Variants in INCENP observed in about 807,000 individuals in gnomAD.
INCENP encodes binds and activates aurora-B and -C in vivo and in vitro.
Under a neutral mutation model 107.3 loss-of-function variants are expected in INCENP, and 43 were observed. The observed-to-expected ratio is 0.40, with a 90% CI of 0.31 to 0.52. INCENP has a LOEUF of 0.52. INCENP is among the 20% of genes least tolerant of loss of function. INCENP has a pLI of 0.53. For missense variants in INCENP, 1,089 were observed against 1,250.9 expected, an observed-to-expected ratio of 0.87 and a Z score of 1.95; for synonymous variants, 488 against 494.4, an observed-to-expected ratio of 0.99 and a Z score of 0.17.
intron 17 of INCENP, 35 bp from the exon 18 acceptor site, chr11:62,150,022 A>C: frequency 6.2e-7 from 1 of 1,608,366 alleles, no homozygotes; most frequent in South Asian, 1.1e-5. Context: ...TGGGAATGCC[A>C]TGGAGGGAAC....
chr11:62,141,158 G>A lies in INCENP; in HGVS notation c.1593+114G>A, dbSNP rs570394297. 253 of 1,411,326 alleles carry A rather than the reference G, an allele frequency of 1.8e-4. No individual in the cohort carries two copies. The Middle Eastern group carries it at 2.3e-3, about 13-fold the overall frequency. The allele number at this position is 1,411,326 out of a possible 1,614,324, so 87.4% of individuals were successfully genotyped here. On this transcript the variant is annotated intron_variant, in intron 10 of 18. Transcript: ENST00000394818. Reference sequence around the variant, plus strand: ...GTGAGCCTGGGCGGAGGCAAGTGTGGCCTGGCACTGTTAGGGGCCGGTTGA... The same window carrying A: ...GTGAGCCTGGGCGGAGGCAAGTGTGACCTGGCACTGTTAGGGGCCGGTTGA...
chr11:62,131,743 A>G (rs1792941), intron 4 of INCENP, among the ~76,000 whole-genome samples: 80,168 of 151,636 alleles, frequency 0.53, 23,654 homozygotes, highest in Non-Finnish European at 0.68. Flanking sequence ...GAGGACGGGC[A>G]AAGCAGCGGA....
intron 4 of INCENP, among the ~76,000 whole-genome samples, chr11:62,133,090 G>A (rs1943922475): frequency 6.6e-6 from 1 of 152,186 alleles, no homozygotes; most frequent in South Asian, 2.1e-4. Context: ...GGCGGTGACA[G>A]GGGAGGAGGC....
intron 16 of INCENP, 86 bp from the exon 17 acceptor site, chr11:62,148,653 G>A (rs993262880): frequency 1.4e-6 from 2 of 1,462,740 alleles, no homozygotes; most frequent in African/African-American, 1.4e-5. Flanking sequence ...GGGAGGGAAA[G>A]GGAGGAGAAT....
At chr11:62,137,684 G>A (rs1244475850) in intron 4 of INCENP, 148 bp from the exon 5 acceptor site, 1 of 728,288 alleles carries the variant, frequency 1.4e-6, no homozygotes, top group African/African-American at 1.8e-5. Context: ...TGAGTGCTGA[G>A]GGGAGGGTCC....
intron 10 of INCENP, 30 bp from the exon 11 acceptor site, chr11:62,141,470 C>G: frequency 6.2e-7 from 1 of 1,613,978 alleles, no homozygotes; most frequent in East Asian, 2.2e-5. Context: ...CTGGCATTAA[C>G]TCTTGCCTTT....
At chr11:62,129,180 C>T (rs1943823536) in intron 3 of INCENP, among the ~76,000 whole-genome samples, 1 of 152,276 alleles carries the variant, frequency 6.6e-6, no homozygotes, top group African/African-American at 2.4e-5. Context: ...AAAGAGAAGC[C>T]ATCCTTCTGT....
At position 62,138,585 on chromosome 11, in the gene INCENP, C is replaced by T. The variant is rs1025349910; in HGVS notation, c.1116-128C>T. 20 of 744,620 alleles carry T rather than the reference C, an allele frequency of 2.7e-5. No homozygotes were observed. In the African/African-American group the frequency reaches 3.5e-4, roughly 13 times the overall value. 46.1% of individuals were successfully genotyped at this position (744,620 alleles called of 1,614,324 possible). A position where few individuals can be genotyped will look rare whatever the true frequency, so the allele number is the denominator to read the frequency against. The stretch of plus-strand genomic sequence containing the variant: ...CCTATCCTACAGGGGGCTGTGGGTT[C>T]GTGGCCCTGGCCAGGGCACCTTGTG... On this transcript the variant is annotated intron_variant, in intron 5 of 18. Coordinates refer to ENST00000394818, the MANE Select transcript of INCENP (RefSeq NM_001040694.2).
chr11:62,128,537 CAG>C (rs1393284528), intron 2 of INCENP, among the ~76,000 whole-genome samples: 1 of 152,220 alleles, frequency 6.6e-6, no homozygotes, highest in Admixed American at 6.5e-5. Context: ...CTGGGCCTCT[CAG>C]GGTATGTGGC....
At chr11:62,129,156 G>A (rs59956528) in intron 3 of INCENP, among the ~76,000 whole-genome samples, 2,311 of 152,316 alleles carry the variant, frequency 0.015, 42 homozygotes, top group African/African-American at 0.052. Flanking sequence ...AAAGATTTCC[G>A]TAGGTGGGAT....
rs781521515 is a variant in INCENP, at chr11:62,145,067, G to A, written c.1691G>A (p.Arg564Gln). 16 of 1,613,284 alleles carry A rather than the reference G, an allele frequency of 9.9e-6. No homozygotes were observed. The highest frequency in any genetic ancestry group is 2.2e-5 in the East Asian group (1 of 44,882). Residue 564 changes from arginine to glutamine, a missense_variant, in exon 12 of 19, where the codon CGG becomes CAG. Coordinates refer to ENST00000394818, the MANE Select transcript of INCENP (RefSeq NM_001040694.2). Reference sequence around the variant, plus strand: ...AGGCAGAAGGTGGAGGAGGACAAGCGGCGGCGGCTGGAGGAGGTGAAGCTG... The same window carrying A: ...AGGCAGAAGGTGGAGGAGGACAAGCAGCGGCGGCTGGAGGAGGTGAAGCTG... ...LRRQKVEEDK[R>Q]RRLEEVKLKR...
At chr11:62,136,511 C>T (rs768916981) in intron 4 of INCENP, among the ~76,000 whole-genome samples, 15 of 152,080 alleles carry the variant, frequency 9.9e-5, no homozygotes, top group Non-Finnish European at 2.2e-4. Flanking sequence ...GAAACCCTAT[C>T]TCTACTAAAA....
Position 62,129,980 on chromosome 11 carries a change from GCTGA to G in INCENP, c.456_459del (p.Thr153ArgfsTer80). 2 of 1,614,096 alleles carry G rather than the reference GCTGA, an allele frequency of 1.2e-6. No individual in the cohort carries two copies. Among genetic ancestry groups the G allele is most frequent in the Non-Finnish European group, 1.7e-6 (2 of 1,180,036 alleles). Reference sequence around the variant, plus strand: ...CACCCACCCCTGAGTCTCCCACGATGCTGACTAAGAAGCCCGAGGATAACCACAC... The same window carrying G: ...CACCCACCCCTGAGTCTCCCACGATGCTAAGAAGCCCGAGGATAACCACAC... On this transcript the variant is annotated frameshift_variant, in exon 4 of 19. Coordinates refer to ENST00000394818, the MANE Select transcript of INCENP (RefSeq NM_001040694.2).
chr11:62,141,648 G>A (rs972938655), intron 11 of INCENP, 137 bp downstream of exon 11: 7 of 1,199,592 alleles, frequency 5.8e-6, no homozygotes, highest in Non-Finnish European at 8.7e-6. Context: ...AAGAGAGTGG[G>A]ACGGTGAGGG....
At chr11:62,126,605 A>T in intron 1 of INCENP, among the ~76,000 whole-genome samples, 1 of 151,828 alleles carries the variant, frequency 6.6e-6, no homozygotes, top group East Asian at 1.9e-4. Context: ...TTGTTCTTTC[A>T]CTCATTCACC....
intron 4 of INCENP, among the ~76,000 whole-genome samples, chr11:62,133,941 A>G (rs569230721): frequency 2.0e-5 from 3 of 152,168 alleles, no homozygotes; most frequent in Admixed American, 2.0e-4. Context: ...GCCACCTCCC[A>G]GCCTGAACTC....
chr11:62,150,247 C>G (rs774020752), intron 18 of INCENP, 40 bp downstream of exon 18: 2 of 1,607,728 alleles, frequency 1.2e-6, no homozygotes, highest in Non-Finnish European at 1.7e-6. Context: ...CTCAGGCCCT[C>G]CCTGGTCCTC....
At chr11:62,145,528 G>C in intron 13 of INCENP, 101 bp from the exon 14 acceptor site, 1 of 1,439,654 alleles carries the variant, frequency 6.9e-7, no homozygotes, top group African/African-American at 1.4e-5. Context: ...AACAAGCCAG[G>C]TGTGCAGGGG....
rs374721937 is a variant in INCENP, at chr11:62,146,822, G to C, written c.2124G>C (p.Arg708=). The C allele has an allele frequency of 4.5e-4, 689 of 1,526,346 alleles. 5 individuals carry two copies. The highest frequency in any genetic ancestry group is 4.3e-3 in the South Asian group (357 of 83,458). The allele number at this position is 1,526,346 out of a possible 1,614,324, so 94.6% of individuals were successfully genotyped here. Reference sequence around the variant, plus strand: ...AGGAGCGGCGCGAGCAGGAGCGGCGGGAGCAGGAGCGGCGCGAGCAGGAGC... The same window carrying C: ...AGGAGCGGCGCGAGCAGGAGCGGCGCGAGCAGGAGCGGCGCGAGCAGGAGC... ...REQERREQER[R]EQERREQERQ... The change falls in exon 15 of 19, where the codon CGG becomes CGC. Residue 708 remains arginine, a synonymous_variant. Transcript: ENST00000394818.
Sources: gnomAD v4.1 joint callset for allele counts (sites outside exome capture counted in the v4.1 genomes callset) on GRCh38, gnomAD v4.1.1 for gene constraint, MANE v1.5 for transcripts, NCBI Gene and HGNC (gene_info 2026-07-23, HGNC 2026-07-21) for gene names.